The following LRRC27 variants were observed in gnomAD, a reference collection of about 807,000 sequenced individuals.
LRRC27 encodes the protein leucine-rich repeat-containing protein 27.
In LRRC27, 57 loss-of-function variants were observed where a neutral mutation model predicts 55.0. The ratio of observed to expected loss-of-function variants is 1.04; its 90% CI spans 0.84 to 1.29. The LOEUF is 1.29. Among genes scored for constraint, LRRC27 ranks in the 50% most tolerant of loss-of-function variants. LRRC27 has a pLI of 0.00. For missense variants in LRRC27, 721 were observed against 651.5 expected (o/e 1.11, Z -1.16); for synonymous variants, 278 against 251.9 (o/e 1.10, Z -0.98).
rs936907895 is a variant in LRRC27, at chr10:132,380,855, C to G, written c.*5613C>G. ...TTCCGTAGATTGAGGTTTACAGCTGCGGTTGCCTACCAATTCAAGATAAAT... is the reference window on the plus strand; with the variant it reads ...TTCCGTAGATTGAGGTTTACAGCTGGGGTTGCCTACCAATTCAAGATAAAT... On this transcript the variant is annotated 3_prime_UTR_variant, in exon 11 of 11. Coordinates refer to ENST00000368614, the MANE Select transcript of LRRC27 (RefSeq NM_030626.3). 6.6e-6 allele frequency among the ~76,000 whole-genome samples: 1 copy of G among 152,178 alleles called. No homozygotes were observed. Among genetic ancestry groups the G allele is most frequent in the African/African-American group, 2.4e-5 (1 of 41,434 alleles).
At chr10:132,361,895 C>T (rs554041784) in intron 9 of LRRC27, among the ~76,000 whole-genome samples, 308 of 152,252 alleles carry the variant, frequency 2.0e-3, no homozygotes, top group Non-Finnish European at 2.4e-3. Flanking sequence ...GAGATCCACC[C>T]GCTGCAGTCC....
upstream of LRRC27, chr10:132,330,328 G>C (rs925574399): frequency 3.0e-6 from 2 of 658,640 alleles, no homozygotes; most frequent in African/African-American, 3.6e-5. Context: ...AGAGATACTG[G>C]AATGCTGAAA....
rs943943779 is a variant in LRRC27, at chr10:132,351,739, G to C, written c.1059G>C (p.Met353Ile). Reference protein sequence around the residue: ...LRELQEKQALMEQQRREKRAL... With the variant: ...LRELQEKQALIEQQRREKRAL... ...AGCTCCAGGAGAAGCAGGCTCTGATGGAGCAGCAGAGACGGTGAGTCCACA... is the reference window on the plus strand; with the variant it reads ...AGCTCCAGGAGAAGCAGGCTCTGATCGAGCAGCAGAGACGGTGAGTCCACA... The change falls in exon 7 of 11, where the codon ATG (methionine) becomes ATC (isoleucine). Residue 353 changes from methionine (M) to isoleucine (I), a missense_variant. Met to Ile is a conservative substitution (Grantham distance 10, BLOSUM62 1). Transcript: ENST00000368614. 1 of 1,612,674 alleles carries C rather than the reference G, an allele frequency of 6.2e-7. No homozygotes were observed. Among genetic ancestry groups the C allele is most frequent in the Non-Finnish European group, 8.5e-7 (1 of 1,179,590 alleles).
intron 2 of LRRC27, among the ~76,000 whole-genome samples, chr10:132,335,581 G>A (rs929425590): frequency 6.8e-6 from 1 of 147,228 alleles, no homozygotes; most frequent in Non-Finnish European, 1.5e-5. Context: ...ACTATGGGGG[G>A]GGTCACAGTC....
Position 132,375,415 on chromosome 10 carries a change from G to T in LRRC27, c.*173G>T. Reference sequence around the variant, plus strand: ...GACAGGTCCACGTCCCTCTCCTGAGGCTGTGGAAGATTTCAGCCGTATTAA... The same window carrying T: ...GACAGGTCCACGTCCCTCTCCTGAGTCTGTGGAAGATTTCAGCCGTATTAA... On this transcript the variant is annotated 3_prime_UTR_variant, in exon 11 of 11. Transcript: ENST00000368614. 1.8e-6 allele frequency: 1 copy of T among 570,480 alleles called. No individual in the cohort carries two copies. The highest frequency in any genetic ancestry group is 3.1e-5 in the East Asian group (1 of 32,666). 35.3% of individuals were successfully genotyped at this position (570,480 alleles called of 1,614,324 possible).
upstream of LRRC27, among the ~76,000 whole-genome samples, chr10:132,331,260 G>A (rs185637709): frequency 6.7e-6 from 1 of 150,266 alleles, no homozygotes; most frequent in African/African-American, 2.5e-5. Flanking sequence ...AACTGTCCGG[G>A]TTTCCAGAGT....
At chr10:132,333,799 C>T (rs1216809202) in intron 2 of LRRC27, 65 bp downstream of exon 2, 2 of 1,213,584 alleles carry the variant, frequency 1.6e-6, no homozygotes, top group East Asian at 4.8e-5. Context: ...TGGGAATGTA[C>T]CCCTGGGCTT....
chr10:132,352,965 C>T (rs916117788), intron 7 of LRRC27: 7 of 1,613,700 alleles, frequency 4.3e-6, no homozygotes, highest in African/African-American at 2.7e-5. Context: ...CTGTGACTGC[C>T]GCCAGTGCCA....
chr10:132,368,033 A>G (rs59809570), intron 10 of LRRC27, among the ~76,000 whole-genome samples: 2,414 of 152,378 alleles, frequency 0.016, 66 homozygotes, highest in African/African-American at 0.055. Flanking sequence ...GTTAATATAC[A>G]TAAGTCAGTC....
intron 10 of LRRC27, among the ~76,000 whole-genome samples, chr10:132,370,908 C>T (rs761047119): frequency 6.6e-6 from 1 of 152,232 alleles, no homozygotes; most frequent in Non-Finnish European, 1.5e-5. Context: ...CAGGTGAAGT[C>T]TCGGGCTTTG....
chr10:132,349,150 A>G (rs2067879197), intron 6 of LRRC27: 1 of 889,744 alleles, frequency 1.1e-6, no homozygotes, highest in Non-Finnish European at 1.8e-6. Context: ...GCAAAATAAC[A>G]ATTGGTGAAT....
intron 9 of LRRC27, 106 bp downstream of exon 9, chr10:132,361,681 C>G (rs2068621360): frequency 2.4e-6 from 2 of 839,232 alleles, no homozygotes; most frequent in Non-Finnish European, 4.0e-6. Flanking sequence ...CCCTGAAACT[C>G]CAGGCTGTGG....
At chr10:132,346,989 C>CA (rs1262350461) in intron 5 of LRRC27, among the ~76,000 whole-genome samples, 1 of 152,232 alleles carries the variant, frequency 6.6e-6, no homozygotes, top group African/African-American at 2.4e-5. Flanking sequence ...GGGTCTCACT[C>CA]AGCCTTCAGG....
At chr10:132,331,676 G>T (rs751025552), upstream of LRRC27, 19 of 1,612,646 alleles carry the variant, frequency 1.2e-5, no homozygotes, top group Non-Finnish European at 1.5e-5. Context: ...TTTCTGCTCG[G>T]CTGTCCTCGA....
chr10:132,337,758 TC>T lies in LRRC27; in HGVS notation c.341+64del. 3.2e-6 allele frequency: 5 copies of T among 1,567,746 alleles called. No individual in the cohort carries two copies. In the South Asian group the frequency reaches 5.6e-5, roughly 18 times the overall value. On this transcript the variant is annotated intron_variant, in intron 3 of 10. Transcript: ENST00000368614. ...TTTCAGTGCACGAGTGCCTGTTCTTTCGCTCCTTGTCCTTTACTCTTGATTA... is the reference window on the plus strand; with the variant it reads ...TTTCAGTGCACGAGTGCCTGTTCTTTGCTCCTTGTCCTTTACTCTTGATTA...
upstream of LRRC27, chr10:132,330,161 CT>C (rs953457157): frequency 5.1e-6 from 2 of 392,102 alleles, no homozygotes; most frequent in Non-Finnish European, 9.6e-6. Context: ...TGGGCAAAAA[CT>C]GAGCACAGTA....
At chr10:132,331,329 G>A (rs1306966968), upstream of LRRC27, 3 of 1,109,600 alleles carry the variant, frequency 2.7e-6, no homozygotes, top group Non-Finnish European at 3.8e-6. Context: ...TGGAATGAAG[G>A]TGCACGGGAC....
chr10:132,331,311 T>C (rs1254355896), upstream of LRRC27: 8 of 949,496 alleles, frequency 8.4e-6, no homozygotes, highest in South Asian at 1.7e-5. Context: ...TCATTATCAG[T>C]TGGATCCTGG....
At chr10:132,331,974 C>G (rs1250375219), upstream of LRRC27, 1 of 492,852 alleles carries the variant, frequency 2.0e-6, no homozygotes, top group Non-Finnish European at 3.5e-6. Context: ...ACCCCGCCCC[C>G]TCCCGGGCAG....
Sources: allele counts gnomAD v4.1 joint callset (sites outside exome capture counted in the v4.1 genomes callset), GRCh38; gene constraint gnomAD v4.1.1; transcripts MANE v1.5; gene names NCBI Gene and HGNC (gene_info 2026-07-23, HGNC 2026-07-21).